The following RBMX variants were observed in gnomAD, a reference collection of about 807,000 sequenced individuals.
RBMX encodes the protein RNA binding motif protein X-linked, also known as RNA-binding motif protein, X chromosome.
RBMX carries 1 observed loss-of-function variant against 29.3 expected under a neutral mutation model. The observed-to-expected ratio is 0.03, with a 90% CI of 0.01 to 0.16. The LOEUF is 0.16. Ranked by LOEUF, RBMX falls within the 10% of genes least tolerant of loss-of-function variation. The pLI is 1.00. For synonymous variants in RBMX, 102 were observed against 102.3 expected (o/e 1.00, Z 0.02); for missense variants, 121 against 333.2 (o/e 0.36, Z 4.96).
At chrX:136,879,296 G>C in intron 2 of RBMX, 23 bp downstream of exon 2, 2 of 1,201,890 alleles carry the variant, frequency 1.7e-6, no homozygotes, top group Non-Finnish European at 2.3e-6. Context: ...TAATAGCCCA[G>C]CCTGTACTGC....
chrX:136,876,711 T>A, intron 4 of RBMX, 56 bp from the exon 5 acceptor site: 1 of 937,224 alleles, frequency 1.1e-6, no homozygotes, highest in Non-Finnish European at 1.4e-6. Flanking sequence ...AAGAAAGATA[T>A]AAAAGTTTTT....
At chrX:136,872,194 C>A, downstream of RBMX, 1 of 832,167 alleles carries the variant, frequency 1.2e-6, no homozygotes, top group African/African-American at 2.0e-5. Flanking sequence ...CAATAACTTG[C>A]CAATGTCACA....
chrX:136,876,124 TG>T (rs1327464255), intron 5 of RBMX, among the ~76,000 whole-genome samples: 4 of 99,688 alleles, frequency 4.0e-5, no homozygotes, highest in Admixed American at 1.1e-4. Context: ...TTTTTTTTTT[TG>T]TTTTTTTTTT....
downstream of RBMX, among the ~76,000 whole-genome samples, chrX:136,871,401 G>A (rs1300792589): frequency 2.2e-5 from 2 of 90,658 alleles, no homozygotes; most frequent in East Asian, 3.6e-4. Context: ...CCGAGATCGC[G>A]CCACTGCACT....
chrX:136,876,709 T>C, intron 4 of RBMX, 54 bp from the exon 5 acceptor site: 7 of 990,793 alleles, frequency 7.1e-6, no homozygotes, highest in Non-Finnish European at 9.4e-6. Context: ...TCAAGAAAGA[T>C]ATAAAAGTTT....
chrX:136,880,416 A>G (rs748218585), intron 1 of RBMX, among the ~76,000 whole-genome samples, 181 bp downstream of exon 1: 27 of 112,363 alleles, frequency 2.4e-4, no homozygotes, highest in Non-Finnish European at 4.3e-4. Flanking sequence ...CTCGAGAAGC[A>G]TACAACCAAA....
At chrX:136,874,877 C>T in intron 8 of RBMX, 1 of 683,272 alleles carries the variant, frequency 1.5e-6, no homozygotes, top group South Asian at 5.4e-5. Flanking sequence ...AAGCAAAATC[C>T]CCTCCAAAGC....
intron 1 of RBMX, 48 bp from the exon 2 acceptor site, chrX:136,879,501 T>TCA: frequency 1.0e-6 from 1 of 992,237 alleles, no homozygotes; most frequent in Non-Finnish European, 1.4e-6. Context: ...TTCCTCAAGT[T>TCA]TATTGGACAC....
At chrX:136,879,229 CATT>C in intron 2 of RBMX, 87 bp downstream of exon 2, 1 of 1,195,595 alleles carries the variant, frequency 8.4e-7, no homozygotes, top group Non-Finnish European at 1.1e-6. Flanking sequence ...GACAAAAATA[CATT>C]ATCATGTCAG....
downstream of RBMX, among the ~76,000 whole-genome samples, chrX:136,871,236 G>C (rs2077682470): frequency 1.8e-5 from 2 of 109,254 alleles, no homozygotes; most frequent in Non-Finnish European, 1.9e-5. Context: ...ACAAGGTCAG[G>C]AGATCGAGAC....
chrX:136,871,315 C>T (rs112080995), downstream of RBMX, among the ~76,000 whole-genome samples: 283 of 105,736 alleles, frequency 2.7e-3, 1 homozygote, highest in African/African-American at 9.3e-3. Context: ...GCAGTGTGCA[C>T]CTGTAGTCCC....
chrX:136,872,360 T>C (rs1170435819), downstream of RBMX: 2 of 1,157,258 alleles, frequency 1.7e-6, no homozygotes, highest in East Asian at 3.3e-5. Flanking sequence ...AAAAGTTAAA[T>C]AAATGAAAAC....
intron 4 of RBMX, among the ~76,000 whole-genome samples, chrX:136,877,356 A>T (rs2077743820): frequency 1.1e-5 from 1 of 88,045 alleles, no homozygotes; most frequent in African/African-American, 4.2e-5. Flanking sequence ...AAAAACCATT[A>T]TTGATTTGGG....
In RBMX at chrX:136,875,186, C is replaced by A; in HGVS notation, c.783-18G>T. 1 of 1,210,880 alleles carries A rather than the reference C, an allele frequency of 8.3e-7. No homozygotes were observed. Among genetic ancestry groups the A allele is most frequent in the Non-Finnish European group, 1.1e-6 (1 of 895,329 alleles). On this transcript the variant is annotated intron_variant, in intron 7 of 8. Coordinates refer to ENST00000320676, the MANE Select transcript of RBMX (RefSeq NM_002139.4). ...CTCTATCGCTAAATTAAAGAGAAAC[C>A]TTTAAGTCCCAGAGAATCAACTTTC...
At chrX:136,879,579 T>C in intron 1 of RBMX, 126 bp from the exon 2 acceptor site, 1 of 592,423 alleles carries the variant, frequency 1.7e-6, no homozygotes, top group South Asian at 3.2e-5. Flanking sequence ...AAGAAAACGA[T>C]AACGAGCTAA....
In RBMX at chrX:136,873,853, T is replaced by C. The variant is rs1161475098; in HGVS notation, c.*289A>G. On this transcript the variant is annotated 3_prime_UTR_variant, in exon 9 of 9. Transcript: ENST00000320676. ...GCCTCATTTGCTGGGAAAAATCAGA[T>C]AGGAAGTGGCCTTTAGGGGATACTT... is the stretch of plus-strand genomic sequence containing the variant. 3.4e-6 allele frequency: 3 copies of C among 887,213 alleles called. No individual in the cohort carries two copies. Among genetic ancestry groups the C allele is most frequent in the African/African-American group, 2.1e-5 (1 of 48,331 alleles). The allele number at this position is 887,213 out of a possible 1,213,427, so 73.1% of individuals were successfully genotyped here.
rs745941500 is a variant in RBMX at position 136,879,460 on chromosome X, A to T, written c.-26-7T>A. The T allele has an allele frequency of 2.8e-5, 32 of 1,127,869 alleles. No individual in the cohort carries two copies. The highest frequency in any genetic ancestry group is 3.8e-5 in the Non-Finnish European group (31 of 825,650). The allele number at this position is 1,127,869 out of a possible 1,213,427, so 92.9% of individuals were successfully genotyped here. ...TTTTTTTGGGCCGGTGAGTCTGTTG[A>T]AAAGGAATAGTATTACCTCACTGCA... On this transcript the variant is annotated splice_polypyrimidine_tract_variant and splice_region_variant and intron_variant, in intron 1 of 8. Transcript: ENST00000320676.
chrX:136,873,136 A>G (rs2077695145), downstream of RBMX: 1 of 109,796 alleles, frequency 9.1e-6, no homozygotes, highest in Non-Finnish European at 1.9e-5. Context: ...AGTTTTTTTT[A>G]ATCTAGAAGG....
At chrX:136,878,122 T>A in intron 3 of RBMX, 36 bp from the exon 4 acceptor site, 1 of 1,092,252 alleles carries the variant, frequency 9.2e-7, no homozygotes, top group Non-Finnish European at 1.2e-6. Context: ...AAATCAAGAT[T>A]TAAAAATAAT....
Sources: gnomAD v4.1 joint callset for allele counts (sites outside exome capture counted in the v4.1 genomes callset) on GRCh38, gnomAD v4.1.1 for gene constraint, MANE v1.5 for transcripts, NCBI Gene and HGNC (gene_info 2026-07-23, HGNC 2026-07-21) for gene names.